Variants in ICA1 observed in about 807,000 individuals in gnomAD.
ICA1 encodes 69 kDa islet cell autoantigen.
Under a neutral mutation model 71.0 loss-of-function variants are expected in ICA1, and 40 were observed. The ratio of observed to expected loss-of-function variants is 0.56; its 90% confidence interval spans 0.44 to 0.73. The LOEUF is 0.73. Ranked by LOEUF, ICA1 falls within the 30% of genes least tolerant of loss-of-function variation. ICA1 has a pLI of 0.00. For missense variants in ICA1, 578 were observed against 576.5 expected, an observed-to-expected ratio of 1.00 and a Z score of -0.03; for synonymous variants, 207 against 209.5, an observed-to-expected ratio of 0.99 and a Z score of 0.10.
intron 6 of ICA1, among the ~76,000 whole-genome samples, chr7:8,179,934 T>C (rs1363207934): frequency 6.6e-6 from 1 of 152,166 alleles, no homozygotes; most frequent in Non-Finnish European, 1.5e-5. Flanking sequence ...AAACTCACTT[T>C]ATTCTATGCT....
chr7:8,191,593 T>C (rs1336645877), intron 6 of ICA1, among the ~76,000 whole-genome samples: 2 of 152,194 alleles, frequency 1.3e-5, no homozygotes, highest in Admixed American at 1.3e-4. Flanking sequence ...TTTGGTGTAT[T>C]AAATGCATTT....
intron 4 of ICA1, among the ~76,000 whole-genome samples, chr7:8,225,568 G>A (rs1798359302): frequency 6.6e-6 from 1 of 152,194 alleles, no homozygotes; most frequent in African/African-American, 2.4e-5. Flanking sequence ...AGATCTGGGT[G>A]CCAGATGTAC....
At chr7:8,213,674 C>A (rs1232000318) in intron 6 of ICA1, among the ~76,000 whole-genome samples, 3 of 152,162 alleles carry the variant, frequency 2.0e-5, no homozygotes, top group Non-Finnish European at 4.4e-5. Flanking sequence ...TAACCCAAGT[C>A]TTTGTTCACA....
Position 8,123,965 on chromosome 7 carries a change from A to G in ICA1, c.1330+3908T>C, listed in dbSNP as rs888575860. ...TTTCCCAGGCAATAAAACGGATAAT[A>G]GTAGCTGGCTGGGAAGGGTACGGTG... is the stretch of plus-strand genomic sequence containing the variant. On this transcript the variant is annotated intron_variant, in intron 13 of 13. Coordinates refer to ENST00000402384, the MANE Select transcript of ICA1 (RefSeq NM_001136020.3). The surrounding 1 kb of genome is among the most constrained non-coding windows in gnomAD (Gnocchi z 4.1). Among the ~76,000 whole-genome samples, 10 of 152,356 alleles carry G rather than the reference A, an allele frequency of 6.6e-5. No homozygotes were observed. Among genetic ancestry groups the G allele is most frequent in the African/African-American group, 2.2e-4 (9 of 41,598 alleles).
intron 3 of ICA1, among the ~76,000 whole-genome samples, chr7:8,231,939 T>G (rs990979223): frequency 2.0e-5 from 3 of 152,226 alleles, no homozygotes; most frequent in African/African-American, 7.2e-5. Flanking sequence ...CTGAGTTCAT[T>G]TTGAATCCTT....
intron 9 of ICA1, chr7:8,142,147 A>G (rs1328047538): frequency 1.5e-5 from 8 of 537,536 alleles, no homozygotes; most frequent in African/African-American, 4.0e-5. Context: ...CTGTAAAAAT[A>G]TCAATCAGAA....
At chr7:8,201,641 C>G (rs970041728) in intron 6 of ICA1, among the ~76,000 whole-genome samples, 2 of 152,118 alleles carry the variant, frequency 1.3e-5, no homozygotes, top group African/African-American at 2.4e-5. Context: ...GAAAAAGGGC[C>G]GAGTTTAGCT....
At chr7:8,245,739 G>A (rs1032168364) in intron 1 of ICA1, among the ~76,000 whole-genome samples, 5 of 151,964 alleles carry the variant, frequency 3.3e-5, no homozygotes, top group African/African-American at 1.2e-4. Context: ...TTTGTACCAA[G>A]TTTAAAATAT....
In ICA1 at chr7:8,132,882, A is replaced by G. The variant is rs1246966081; in HGVS notation, c.1061-4740T>C. ...TCTGGGAGCCCTTCTGGGTTTGCCC[A>G]TTGGTGAAGCTGCTGGTGCTCCATA... is the stretch of plus-strand genomic sequence containing the variant. On this transcript the variant is annotated intron_variant, in intron 12 of 13. Coordinates refer to ENST00000402384, the MANE Select transcript of ICA1 (RefSeq NM_001136020.3). This position sits in a 1 kb window ranked among gnomAD's most constrained non-coding sequence, Gnocchi z 4.5. Among the ~76,000 whole-genome samples, 1 of 152,156 alleles carries G rather than the reference A, an allele frequency of 6.6e-6. No individual in the cohort carries two copies. The highest frequency in any genetic ancestry group is 1.9e-4 in the East Asian group (1 of 5,198).
Position 8,185,155 on chromosome 7 carries a change from G to C in ICA1, c.580-26503C>G, listed in dbSNP as rs1021019238. 4.6e-5 allele frequency among the ~76,000 whole-genome samples: 7 copies of C among 151,520 alleles called. 1 individual carries two copies. Among genetic ancestry groups the C allele is most frequent in the Admixed American group, 4.6e-4 (7 of 15,224 alleles). ...TCTTTGGTTTAAAAAAACTGAAAAA[G>C]TCAGCTCAAATTCAAACTTAAACAA... On this transcript the variant is annotated intron_variant, in intron 6 of 13. Transcript: ENST00000402384.
chr7:8,228,105 T>C (rs1172984012), intron 4 of ICA1, among the ~76,000 whole-genome samples: 1 of 152,214 alleles, frequency 6.6e-6, no homozygotes, highest in Non-Finnish European at 1.5e-5. Flanking sequence ...GAGATAACTT[T>C]GTTGTTAATG....
At chr7:8,187,478 G>A (rs956780251) in intron 6 of ICA1, among the ~76,000 whole-genome samples, 5 of 152,204 alleles carry the variant, frequency 3.3e-5, no homozygotes, top group Admixed American at 6.5e-5. Context: ...TGAGAGTGGT[G>A]AGTGAATGTG....
At chr7:8,216,152 T>A (rs987543161) in intron 6 of ICA1, among the ~76,000 whole-genome samples, 1 of 152,200 alleles carries the variant, frequency 6.6e-6, no homozygotes, top group African/African-American at 2.4e-5. Flanking sequence ...CCCTACAGGT[T>A]TGAGAAAACA....
intron 12 of ICA1, among the ~76,000 whole-genome samples, chr7:8,134,239 G>A (rs906397580): frequency 5.3e-5 from 8 of 152,086 alleles, no homozygotes; most frequent in African/African-American, 1.7e-4. Context: ...TATGCCCCTG[G>A]GAGAACATTC....
At chr7:8,152,880 T>TCCTCCG (rs1799982091) in intron 8 of ICA1, among the ~76,000 whole-genome samples, 1 of 14,744 alleles carries the variant, frequency 6.8e-5, no homozygotes, top group Admixed American at 5.7e-4. Context: ...CACCATCACC[T>TCCTCCG]CCACCACCAC....
In ICA1 at chr7:8,218,393, G is replaced by A. The variant is rs771195480; in HGVS notation, c.491C>T (p.Thr164Met). 3 of 1,614,024 alleles carry A rather than the reference G, an allele frequency of 1.9e-6. No individual in the cohort carries two copies. Among genetic ancestry groups the A allele is most frequent in the South Asian group, 1.1e-5 (1 of 91,068 alleles). Residue 164 changes from threonine (T) to methionine (M), a missense_variant, in exon 6 of 14, where the codon ACG (threonine) becomes ATG (methionine). Physicochemically the swap from Thr to Met is moderately conservative, Grantham distance 81. Coordinates refer to ENST00000402384, the MANE Select transcript of ICA1 (RefSeq NM_001136020.3). ...LTVNRMEQCRTEYRGALLWMK... is the reference protein window; with the variant it reads ...LTVNRMEQCRMEYRGALLWMK... ...CCATAATAGTGCTCCTCTATATTCCGTCCTGCACTGTTCCATGCGGTTCAC... is the reference window on the plus strand; with the variant it reads ...CCATAATAGTGCTCCTCTATATTCCATCCTGCACTGTTCCATGCGGTTCAC...
chr7:8,208,738 C>T (rs1261635103), intron 6 of ICA1, among the ~76,000 whole-genome samples: 1 of 152,112 alleles, frequency 6.6e-6, no homozygotes, highest in African/African-American at 2.4e-5. Flanking sequence ...AAGATGATAC[C>T]TTCTTCAGGA....
At chr7:8,235,504 T>G (rs904594589) in intron 2 of ICA1, among the ~76,000 whole-genome samples, 2 of 152,088 alleles carry the variant, frequency 1.3e-5, no homozygotes, top group African/African-American at 4.8e-5. Context: ...TAAGCACGAG[T>G]CGTGTGTGGT....
At chr7:8,261,718 G>A (rs1489845863) in intron 1 of ICA1, among the ~76,000 whole-genome samples, 1 of 151,092 alleles carries the variant, frequency 6.6e-6, no homozygotes, top group African/African-American at 2.4e-5. Flanking sequence ...GGGTCCTGGG[G>A]CCGGAGCCGC....
Sources: gnomAD v4.1 joint callset for allele counts (sites outside exome capture counted in the v4.1 genomes callset) on GRCh38, gnomAD v4.1.1 for gene constraint, Gnocchi (gnomAD v3.1) non-coding constraint, MANE v1.5 for transcripts, NCBI Gene and HGNC (gene_info 2026-07-23, HGNC 2026-07-21) for gene names.